PDPR: variants seen among roughly 807,000 people sequenced by gnomAD.
PDPR encodes the protein pyruvate dehydrogenase phosphatase regulatory subunit, also known as pyruvate dehydrogenase phosphatase regulatory subunit, mitochondrial.
A neutral mutation model predicts 102.2 loss-of-function variants in PDPR; 50 were observed. The observed-to-expected ratio is 0.49, with a 90% CI of 0.39 to 0.62. The LOEUF is 0.62. Ranked by LOEUF, PDPR falls within the 20% of genes least tolerant of loss-of-function variation. PDPR has a pLI of 0.00. For synonymous variants in PDPR, 259 were observed against 406.0 expected, an observed-to-expected ratio of 0.64 and a Z score of 4.35; for missense variants, 625 against 1,098.2, an observed-to-expected ratio of 0.57 and a Z score of 6.09.
intron 17 of PDPR, among the ~76,000 whole-genome samples, chr16:70,150,623 T>G (rs1966659135): frequency 6.6e-6 from 1 of 151,552 alleles, no homozygotes; most frequent in Admixed American, 6.6e-5. Context: ...TCCCCCTGCC[T>G]CAGCCTCCTG....
At chr16:70,134,772 C>A (rs1362636392) in intron 9 of PDPR, among the ~76,000 whole-genome samples, 1 of 138,330 alleles carries the variant, frequency 7.2e-6, no homozygotes, top group South Asian at 2.3e-4. Context: ...GGTGACAGAG[C>A]GAGACTCCAT....
chr16:70,153,757 A>G (rs1043239949), intron 18 of PDPR, among the ~76,000 whole-genome samples, 184 bp downstream of exon 18: 1 of 152,282 alleles, frequency 6.6e-6, no homozygotes, highest in African/African-American at 2.4e-5. Flanking sequence ...AATATCTTCA[A>G]ATGAAAACAT....
chr16:70,155,936 T>C (rs1309639985), intron 18 of PDPR, among the ~76,000 whole-genome samples: 2 of 152,022 alleles, frequency 1.3e-5, no homozygotes, highest in South Asian at 4.1e-4. Context: ...CCTAGAATTA[T>C]AGGCACACTC....
intron 4 of PDPR, among the ~76,000 whole-genome samples, chr16:70,128,477 C>A (rs375000352): frequency 2.0e-5 from 3 of 152,260 alleles, no homozygotes; most frequent in Admixed American, 6.5e-5. Flanking sequence ...ATCCGCCCCC[C>A]TCAGCCTCCC....
At chr16:70,162,868 TGGAAACAACCCTGAG>T (rs1243739212), downstream of PDPR, among the ~76,000 whole-genome samples, 2 of 152,264 alleles carry the variant, frequency 1.3e-5, no homozygotes, top group Non-Finnish European at 2.9e-5. Context: ...TCTCACCCTG[TGGAAACAACCCTGAG>T]AGAAACAACC....
At chr16:70,117,590 G>C (rs991462122) in intron 2 of PDPR, among the ~76,000 whole-genome samples, 8 of 152,096 alleles carry the variant, frequency 5.3e-5, no homozygotes, top group Non-Finnish European at 1.0e-4. Context: ...GAGGTGGCAG[G>C]AACCATGCCA....
chr16:70,132,345 G>A (rs767380954), intron 9 of PDPR, 45 bp downstream of exon 9: 49 of 1,557,902 alleles, frequency 3.1e-5, no homozygotes, highest in Non-Finnish European at 3.8e-5. Context: ...ATTTGTTTAA[G>A]ATGTTATATT....
At chr16:70,152,858 G>A (rs1966839262) in intron 17 of PDPR, among the ~76,000 whole-genome samples, 2 of 152,404 alleles carry the variant, frequency 1.3e-5, no homozygotes, top group South Asian at 4.1e-4. Flanking sequence ...TGAATGCTGT[G>A]GGACATGAGC....
rs1165173150 is a variant in PDPR, at chr16:70,157,048, C to A, written c.*169C>A. ...ACCTACTTTAAACTTTTTTGCTCTG[C>A]AGCCTTCCTTGCCCTTCCACCTCCT... On this transcript the variant is annotated 3_prime_UTR_variant, in exon 19 of 19. Transcript: ENST00000288050. The A allele has an allele frequency of 2.0e-6, 2 of 994,072 alleles. No individual in the cohort carries two copies. Among genetic ancestry groups the A allele is most frequent in the East Asian group, 2.7e-5 (1 of 37,670 alleles). The allele number at this position is 994,072 out of a possible 1,614,324, so 61.6% of individuals were successfully genotyped here.
chr16:70,146,419 G>C (rs1167386577), intron 16 of PDPR, among the ~76,000 whole-genome samples, 191 bp downstream of exon 16: 7 of 149,022 alleles, frequency 4.7e-5, no homozygotes, highest in Non-Finnish European at 8.9e-5. Context: ...AGGAGTTTGA[G>C]ACCAGCCTGG....
In PDPR at chr16:70,136,395, T is replaced by C; in HGVS notation, c.1190+9T>C. The C allele has an allele frequency of 6.3e-7, 1 of 1,583,164 alleles. No individual in the cohort carries two copies. Among genetic ancestry groups the C allele is most frequent in the African/African-American group, 1.3e-5 (1 of 74,304 alleles). On this transcript the variant is annotated intron_variant, in intron 10 of 18. Coordinates refer to ENST00000288050, the MANE Select transcript of PDPR (RefSeq NM_017990.5). Reference sequence around the variant, plus strand: ...GGTGGAGGAGCCGGAAAGTAAGTCTTTCTCACTCAAAGTCAGCTGTGAACA... The same window carrying C: ...GGTGGAGGAGCCGGAAAGTAAGTCTCTCTCACTCAAAGTCAGCTGTGAACA...
intron 3 of PDPR, among the ~76,000 whole-genome samples, chr16:70,123,792 C>T (rs1448431277): frequency 6.6e-6 from 1 of 152,284 alleles, no homozygotes; most frequent in Non-Finnish European, 1.5e-5. Flanking sequence ...ATCGCTCACA[C>T]CTGTAATCCC....
chr16:70,126,751 C>T (rs1964017137), intron 3 of PDPR, among the ~76,000 whole-genome samples: 1 of 152,258 alleles, frequency 6.6e-6, no homozygotes, highest in South Asian at 2.1e-4. Context: ...GTCTTGAACT[C>T]CTGGCCTCCA....
At chr16:70,138,580 C>CT (rs1965403859) in intron 10 of PDPR, among the ~76,000 whole-genome samples, 1 of 152,202 alleles carries the variant, frequency 6.6e-6, no homozygotes, top group Admixed American at 6.5e-5. Flanking sequence ...TCTCAAACTC[C>CT]TGACTTCAAG....
intron 17 of PDPR, among the ~76,000 whole-genome samples, chr16:70,148,834 A>G (rs1387673284): frequency 1.3e-5 from 2 of 152,234 alleles, no homozygotes; most frequent in African/African-American, 2.4e-5. Flanking sequence ...CACCAATAAT[A>G]TTAGTATTAC....
In PDPR at chr16:70,143,559, A is replaced by G. The variant is rs1321214276; in HGVS notation, c.1655A>G (p.Asp552Gly). 6.2e-7 allele frequency: 1 copy of G among 1,613,452 alleles called. No individual in the cohort carries two copies. Among genetic ancestry groups the G allele is most frequent in the Non-Finnish European group, 8.5e-7 (1 of 1,179,480 alleles). The change falls in exon 14 of 19, where the codon GAC becomes GGC. Residue 552 changes from aspartate (D) to glycine (G), a missense_variant. Asp to Gly is a moderately conservative substitution (Grantham distance 94). This residue lies in a region of PDPR where 28 missense variants were observed against 141.2 expected (regional missense o/e 0.20). Coordinates refer to ENST00000288050, the MANE Select transcript of PDPR (RefSeq NM_017990.5). ...LEVLQYLFSN[D>G]LDVPVGHIVH... is the part of the protein sequence containing the mutation. The stretch of plus-strand genomic sequence containing the variant: ...GTTCTACAGTACCTCTTCTCCAATG[A>G]CCTGGATGTGCCTGTGGGCCACATT...
intron 2 of PDPR, among the ~76,000 whole-genome samples, chr16:70,115,668 A>G (rs980199997): frequency 8.5e-5 from 13 of 152,272 alleles, no homozygotes; most frequent in African/African-American, 2.9e-4. Flanking sequence ...CAGAGGGACA[A>G]CTCGAAGTTA....
chr16:70,131,814 A>G (rs1283989473), intron 8 of PDPR: 1 of 1,382,580 alleles, frequency 7.2e-7, no homozygotes, highest in African/African-American at 1.5e-5. Flanking sequence ...GACGGTCTTC[A>G]TGCCTAGAAT....
At chr16:70,125,099 G>A (rs1386544256) in intron 3 of PDPR, among the ~76,000 whole-genome samples, 1 of 152,182 alleles carries the variant, frequency 6.6e-6, no homozygotes, top group Non-Finnish European at 1.5e-5. Context: ...AAAAGAAGCT[G>A]GGTGCAGTGG....
Sources: allele counts gnomAD v4.1 joint callset (sites outside exome capture counted in the v4.1 genomes callset), GRCh38; gene constraint gnomAD v4.1.1; regional missense constraint gnomAD v4.1.1; transcripts MANE v1.5; gene names NCBI Gene and HGNC (gene_info 2026-07-23, HGNC 2026-07-21).